Variants in ZRANB1 observed in about 807,000 individuals in gnomAD.
ZRANB1 encodes zinc finger RANBP2-type containing 1, also known as ubiquitin thioesterase ZRANB1.
A neutral mutation model predicts 80.5 loss-of-function variants in ZRANB1; 16 were observed. The ratio of observed to expected loss-of-function variants is 0.20; its 90% CI spans 0.13 to 0.30. The LOEUF (loss-of-function observed/expected upper bound fraction) is 0.30, where lower values mean the gene tolerates loss of function less well. ZRANB1 is among the 10% of genes least tolerant of loss of function. The probability of loss-of-function intolerance (pLI) is 1.00; values close to 1 mark genes in which losing one functional copy is unlikely to be tolerated. For synonymous variants in ZRANB1, 291 were observed against 293.1 expected (o/e 0.99, Z 0.07); for missense variants, 576 against 862.6 (o/e 0.67, Z 4.16).
In ZRANB1 at chr10:124,984,971, T is replaced by G; in HGVS notation, c.2106T>G (p.Asp702Glu). 6.2e-7 allele frequency: 1 copy of G among 1,611,444 alleles called. No individual in the cohort carries two copies. The highest frequency in any genetic ancestry group is 8.5e-7 in the Non-Finnish European group (1 of 1,179,028). ...CATCCCTGTCTGATGGAGAGGAAGA[T>G]GAGGATGATGAAGATGAATGAAAAA... Reference protein sequence around the residue: ...PCTSLSDGEEDEDDEDE With the variant: ...PCTSLSDGEEEEDDEDE The change falls in exon 9 of 9, where the codon GAT becomes GAG. Residue 702 changes from aspartate (D) to glutamate (E), a missense_variant. By Grantham distance (45) the Asp-to-Glu change is conservative. Around this residue, in one of 3 missense-constraint regions of ZRANB1, gnomAD observed 152 missense variants for 221.9 expected, o/e 0.69. Coordinates refer to ENST00000359653, the MANE Select transcript of ZRANB1 (RefSeq NM_017580.3).
chr10:124,974,145 T>C (rs1297732324), intron 4 of ZRANB1, 55 bp from the exon 5 acceptor site: 1 of 1,568,548 alleles, frequency 6.4e-7, no homozygotes. Flanking sequence ...TCCCCATGAG[T>C]ATTCTCTAAT....
At chr10:124,965,992 C>T (rs946659120) in intron 1 of ZRANB1, among the ~76,000 whole-genome samples, 4 of 152,024 alleles carry the variant, frequency 2.6e-5, no homozygotes, top group Admixed American at 6.6e-5. Flanking sequence ...CCAATTTTTA[C>T]GTTATTAATA....
intron 1 of ZRANB1, among the ~76,000 whole-genome samples, chr10:124,965,567 C>A (rs1951769584): frequency 6.6e-6 from 1 of 152,048 alleles, no homozygotes; most frequent in South Asian, 2.1e-4. Context: ...TGATCTAATT[C>A]CTAGTTCAAG....
At chr10:124,940,336 A>G (rs1334408104), upstream of ZRANB1, among the ~76,000 whole-genome samples, 3 of 152,256 alleles carry the variant, frequency 2.0e-5, no homozygotes, top group African/African-American at 7.2e-5. Context: ...CTAAAGTAGC[A>G]GGCTTCAAGT....
At position 124,942,929 on chromosome 10, in the gene ZRANB1, C is replaced by G; in HGVS notation, c.436C>G (p.Leu146Val). ...TGAGGAATACAATGATAGAAATAAA[C>G]TGAACACTAGGACACAGCACTGGAC... Reference protein sequence around the residue: ...PCEEYNDRNKLNTRTQHWTCS... With the variant: ...PCEEYNDRNKVNTRTQHWTCS... Residue 146 changes from leucine (L) to valine (V), a missense_variant, in exon 1 of 9, where the codon CTG becomes GTG. By Grantham distance (32) the Leu-to-Val change is conservative. This residue lies in a region of ZRANB1 where 411 missense variants were observed against 583.1 expected (regional missense o/e 0.70). Coordinates refer to ENST00000359653, the MANE Select transcript of ZRANB1 (RefSeq NM_017580.3). 6.2e-7 allele frequency: 1 copy of G among 1,614,204 alleles called. No homozygotes were observed. Among genetic ancestry groups the G allele is most frequent in the Non-Finnish European group, 8.5e-7 (1 of 1,180,046 alleles).
chr10:124,943,132 A>G lies in ZRANB1; in HGVS notation c.639A>G (p.Gln213=), dbSNP rs755849968. The stretch of plus-strand genomic sequence containing the variant: ...GAAGTTGCAGTAGTGGTAATAGCCA[A>G]AGGAGATCACCTCCTGCTACGAAGC... ...WRGSCSSGNS[Q]RRSPPATKRD... Residue 213 remains glutamine (Q), a synonymous_variant, in exon 1 of 9, where the codon CAA becomes CAG. Transcript: ENST00000359653. 18 of 1,614,250 alleles carry G rather than the reference A, an allele frequency of 1.1e-5. No individual in the cohort carries two copies. Among genetic ancestry groups the G allele is most frequent in the Admixed American group, 8.3e-5 (5 of 60,024 alleles).
the ZRANB1 span, among the ~76,000 whole-genome samples, chr10:124,930,777 G>C: frequency 7.2e-5 from 11 of 152,142 alleles, no homozygotes; most frequent in Admixed American, 3.9e-4. Context: ...GCTCATGCCT[G>C]TAAACCCAGC....
At chr10:124,976,941 C>CT (rs976156643) in intron 5 of ZRANB1, among the ~76,000 whole-genome samples, 37 of 151,646 alleles carry the variant, frequency 2.4e-4, no homozygotes, top group Non-Finnish European at 3.8e-4. Flanking sequence ...GAAGTGATGT[C>CT]TTTTTTTTAG....
intron 2 of ZRANB1, among the ~76,000 whole-genome samples, chr10:124,967,204 A>G (rs986893585): frequency 6.6e-6 from 1 of 152,230 alleles, no homozygotes; most frequent in Non-Finnish European, 1.5e-5. Context: ...TGTAAATGCC[A>G]AGTGTTATGC....
At position 124,974,193 on chromosome 10, in the gene ZRANB1, C is replaced by T. The variant is rs763485643; in HGVS notation, c.1229-7C>T. 6.2e-6 allele frequency: 10 copies of T among 1,613,578 alleles called. No individual in the cohort carries two copies. The highest frequency in any genetic ancestry group is 1.7e-5 in the Admixed American group (1 of 60,004). On this transcript the variant is annotated splice_polypyrimidine_tract_variant and splice_region_variant and intron_variant, in intron 4 of 8. Coordinates refer to ENST00000359653, the MANE Select transcript of ZRANB1 (RefSeq NM_017580.3). ...GAAATGAACATGTATTTAAATCCATCGTACAGAATTAGAAGAAGAATCTCC... is the reference window on the plus strand; with the variant it reads ...GAAATGAACATGTATTTAAATCCATTGTACAGAATTAGAAGAAGAATCTCC...
At chr10:124,964,689 T>C (rs1202460856) in intron 1 of ZRANB1, among the ~76,000 whole-genome samples, 6 of 152,224 alleles carry the variant, frequency 3.9e-5, no homozygotes, top group South Asian at 4.1e-4. Context: ...TGGAACATTT[T>C]TTATGTAATA....
chr10:124,935,262 GAAA>G, the ZRANB1 span, among the ~76,000 whole-genome samples: 299 of 152,240 alleles, frequency 2.0e-3, 1 homozygote, highest in Non-Finnish European at 6.9e-4. Flanking sequence ...TGAAATGAGA[GAAA>G]AACATGTAAT....
intron 1 of ZRANB1, among the ~76,000 whole-genome samples, chr10:124,961,609 T>A (rs2134273524): frequency 6.6e-6 from 1 of 152,304 alleles, no homozygotes; most frequent in East Asian, 1.9e-4. Flanking sequence ...TTGTTAACAC[T>A]CTGATCAAAG....
intron 5 of ZRANB1, among the ~76,000 whole-genome samples, chr10:124,978,793 A>ATTTTTTTTTTTTTT (rs35714295): frequency 8.7e-6 from 1 of 115,440 alleles, no homozygotes; most frequent in African/African-American, 3.2e-5. Flanking sequence ...TTCCCAGCTA[A>ATTTTTTTTTTTTTT]TTTTTTTTTT....
chr10:124,917,215 A>G, the ZRANB1 span: 496 of 169,932 alleles, frequency 2.9e-3, 5 homozygotes, highest in Non-Finnish European at 4.4e-3. Context: ...CGCCGCCGCC[A>G]AGCGCCCGTC....
chr10:124,925,625 G>A, the ZRANB1 span, among the ~76,000 whole-genome samples: 1 of 152,152 alleles, frequency 6.6e-6, no homozygotes, highest in African/African-American at 2.4e-5. Flanking sequence ...TTTGTCACTT[G>A]TGCTTTTGCC....
intron 2 of ZRANB1, among the ~76,000 whole-genome samples, chr10:124,970,832 G>GTT (rs1564964432): frequency 3.4e-5 from 4 of 118,286 alleles, no homozygotes; most frequent in Non-Finnish European, 7.1e-5. Context: ...TTCTCTTTGG[G>GTT]GTTTTTTTTT....
At chr10:124,968,407 C>A (rs1418424694) in intron 2 of ZRANB1, among the ~76,000 whole-genome samples, 1 of 152,166 alleles carries the variant, frequency 6.6e-6, no homozygotes, top group African/African-American at 2.4e-5. Context: ...TAGTAGCTAA[C>A]CCCTGTGTCC....
At chr10:124,920,444 A>G in the ZRANB1 span, among the ~76,000 whole-genome samples, 1 of 152,116 alleles carries the variant, frequency 6.6e-6, no homozygotes, top group African/African-American at 2.4e-5. Context: ...TATACAGGCA[A>G]AATAAAGTTC....
Sources: gnomAD v4.1 joint callset for allele counts (sites outside exome capture counted in the v4.1 genomes callset) on GRCh38, gnomAD v4.1.1 for gene constraint, gnomAD v4.1.1 regional missense constraint, MANE v1.5 for transcripts, NCBI Gene and HGNC (gene_info 2026-07-23, HGNC 2026-07-21) for gene names.